The following RBM47 variants were observed in gnomAD, a reference collection of about 807,000 sequenced individuals.
The protein encoded by RBM47 is RNA-binding protein 47.
A neutral mutation model predicts 47.1 loss-of-function variants in RBM47; 21 were observed. That is an observed-to-expected ratio of 0.45 (90% CI 0.32 to 0.64). RBM47 has a LOEUF of 0.64. Among genes scored for constraint, RBM47 ranks in the 30% least tolerant of loss-of-function variants. The pLI, the probability that RBM47 is intolerant of heterozygous loss-of-function variation, is 0.05. For synonymous variants in RBM47, 375 were observed against 361.7 expected (o/e 1.04, Z -0.42); for missense variants, 708 against 870.9 (o/e 0.81, Z 2.35).
intron 2 of RBM47, among the ~76,000 whole-genome samples, chr4:40,505,460 A>G (rs948779960): frequency 3.3e-5 from 5 of 149,696 alleles, no homozygotes; most frequent in Non-Finnish European, 7.4e-5. Flanking sequence ...TGGGTGACAC[A>G]GTAAGACTTC....
chr4:40,599,455 G>A (rs1369980784), intron 1 of RBM47, among the ~76,000 whole-genome samples: 1 of 152,088 alleles, frequency 6.6e-6, no homozygotes. Flanking sequence ...TCCTCTCATT[G>A]AGAAGTGGGA....
chr4:40,577,373 T>A (rs186654569), intron 1 of RBM47, among the ~76,000 whole-genome samples: 3 of 151,886 alleles, frequency 2.0e-5, no homozygotes, highest in Admixed American at 6.6e-5. Flanking sequence ...TTGTCAAGAG[T>A]CCTCAGCAAC....
chr4:40,535,589 C>G (rs1308760491), intron 2 of RBM47, among the ~76,000 whole-genome samples: 1 of 151,308 alleles, frequency 6.6e-6, no homozygotes, highest in African/African-American at 2.4e-5. Flanking sequence ...CAGACGGAGT[C>G]TAGCCCTGTC....
At chr4:40,556,191 G>A (rs550171326) in intron 1 of RBM47, among the ~76,000 whole-genome samples, 2 of 151,526 alleles carry the variant, frequency 1.3e-5, no homozygotes, top group East Asian at 1.9e-4. Flanking sequence ...ATGCACCACC[G>A]CGTCTGGCTT....
At chr4:40,604,899 TAG>T (rs1735623024) in intron 1 of RBM47, among the ~76,000 whole-genome samples, 1 of 152,150 alleles carries the variant, frequency 6.6e-6, no homozygotes, top group Non-Finnish European at 1.5e-5. Flanking sequence ...GTATTTTTAG[TAG>T]AGACGGGGTT....
intron 1 of RBM47, among the ~76,000 whole-genome samples, chr4:40,621,515 T>G (rs1195303489): frequency 1.3e-5 from 2 of 152,222 alleles, no homozygotes; most frequent in African/African-American, 2.4e-5. Flanking sequence ...AATACCTAAT[T>G]GAGCTCTGCA....
intron 2 of RBM47, among the ~76,000 whole-genome samples, chr4:40,492,243 G>C (rs1214150521): frequency 6.6e-6 from 1 of 151,984 alleles, no homozygotes; most frequent in Non-Finnish European, 1.5e-5. Context: ...GGGGGTATGC[G>C]CCTGTAGTCC....
intron 2 of RBM47, among the ~76,000 whole-genome samples, chr4:40,501,779 A>G (rs1723405520): frequency 6.6e-6 from 1 of 152,198 alleles, no homozygotes; most frequent in African/African-American, 2.4e-5. Flanking sequence ...TTCCATTGCA[A>G]TGGTGAGCAG....
chr4:40,586,988 G>A (rs1028953085), intron 1 of RBM47, among the ~76,000 whole-genome samples: 4 of 152,084 alleles, frequency 2.6e-5, no homozygotes, highest in African/African-American at 7.2e-5. Context: ...TATAAAATGA[G>A]GGGTTTAGTA....
chr4:40,452,070 T>C (rs1577667657), intron 3 of RBM47, among the ~76,000 whole-genome samples: 1 of 150,204 alleles, frequency 6.7e-6, no homozygotes, highest in Non-Finnish European at 1.5e-5. Context: ...CTTGGGAGGG[T>C]GAGGCAGGAG....
chr4:40,598,741 T>G (rs1342297603), intron 1 of RBM47, among the ~76,000 whole-genome samples: 2 of 152,102 alleles, frequency 1.3e-5, no homozygotes, highest in Non-Finnish European at 2.9e-5. Context: ...AAAAATCCTT[T>G]GATTTAGGGT....
chr4:40,509,907 C>A (rs923273346), intron 2 of RBM47, among the ~76,000 whole-genome samples: 8 of 147,050 alleles, frequency 5.4e-5, no homozygotes, highest in African/African-American at 2.0e-4. Flanking sequence ...AAGAAACTGG[C>A]CAGGTGCAGT....
At chr4:40,539,896 C>A (rs1728342746) in intron 2 of RBM47, among the ~76,000 whole-genome samples, 1 of 151,532 alleles carries the variant, frequency 6.6e-6, no homozygotes, top group Non-Finnish European at 1.5e-5. Flanking sequence ...ACCAAAGAAA[C>A]AATGTCTTCA....
At chr4:40,516,330 G>C (rs1361452413) in intron 2 of RBM47, among the ~76,000 whole-genome samples, 1 of 145,618 alleles carries the variant, frequency 6.9e-6, no homozygotes, top group Non-Finnish European at 1.5e-5. Flanking sequence ...GCACAATCTC[G>C]GCTCACTGCA....
intron 3 of RBM47, among the ~76,000 whole-genome samples, chr4:40,449,345 G>A (rs562187037): frequency 2.8e-4 from 42 of 152,242 alleles, no homozygotes; most frequent in African/African-American, 9.9e-4. Context: ...ATGACATTCC[G>A]GGCCATGCCT....
At chr4:40,536,177 T>C (rs1054393822) in intron 2 of RBM47, among the ~76,000 whole-genome samples, 1 of 152,248 alleles carries the variant, frequency 6.6e-6, no homozygotes, top group African/African-American at 2.4e-5. Flanking sequence ...AACACCTGCA[T>C]AGAAACCAAT....
intron 1 of RBM47, among the ~76,000 whole-genome samples, chr4:40,627,294 A>G (rs1486263603): frequency 6.6e-6 from 1 of 152,140 alleles, no homozygotes; most frequent in African/African-American, 2.4e-5. Flanking sequence ...CCTTTTTCTA[A>G]GTCTCATGAA....
chr4:40,462,280 G>A (rs1203745836), intron 3 of RBM47, among the ~76,000 whole-genome samples: 1 of 152,146 alleles, frequency 6.6e-6, no homozygotes, highest in African/African-American at 2.4e-5. Flanking sequence ...CAACTGTTTT[G>A]GAAACATAGT....
intron 2 of RBM47, among the ~76,000 whole-genome samples, chr4:40,480,896 C>G (rs1180720807): frequency 2.0e-5 from 3 of 152,140 alleles, no homozygotes; most frequent in Non-Finnish European, 2.9e-5. Flanking sequence ...GAGAAGACAC[C>G]TATTACCAAG....
Sources: gnomAD v4.1 joint callset for allele counts (sites outside exome capture counted in the v4.1 genomes callset) on GRCh38, gnomAD v4.1.1 for gene constraint, MANE v1.5 for transcripts, NCBI Gene and HGNC (gene_info 2026-07-23, HGNC 2026-07-21) for gene names.